The following FAM81A variants were observed in gnomAD, a reference collection of about 807,000 sequenced individuals.
FAM81A encodes family with sequence similarity 81 member A, also known as protein FAM81A.
FAM81A carries 19 observed loss-of-function variants against 46.7 expected under a neutral mutation model. The ratio of observed to expected loss-of-function variants is 0.41; its 90% CI spans 0.28 to 0.60. The LOEUF is 0.60. Ranked by LOEUF, FAM81A falls within the 20% of genes least tolerant of loss-of-function variation. The pLI is 0.34. For synonymous variants in FAM81A, 183 were observed against 152.9 expected (o/e 1.20, Z -1.45); for missense variants, 377 against 453.5 (o/e 0.83, Z 1.53).
At chr15:59,504,952 G>T (rs1355543501) in intron 4 of FAM81A, among the ~76,000 whole-genome samples, 1 of 152,052 alleles carries the variant, frequency 6.6e-6, no homozygotes, top group Non-Finnish European at 1.5e-5. Flanking sequence ...ATCCCAGTTT[G>T]TAGTCATTGA....
chr15:59,458,496 G>A, intron 1 of FAM81A, 54 bp from the exon 2 acceptor site: 1 of 1,266,798 alleles, frequency 7.9e-7, no homozygotes, highest in Middle Eastern at 1.9e-4. Context: ...AAGCTTTTGA[G>A]GTTAAGTTCT....
At chr15:59,445,839 G>A (rs2081348635) in intron 1 of FAM81A, among the ~76,000 whole-genome samples, 1 of 152,072 alleles carries the variant, frequency 6.6e-6, no homozygotes, top group Non-Finnish European at 1.5e-5. Flanking sequence ...TTAACATTTG[G>A]TAATGTATCT....
intron 3 of FAM81A, among the ~76,000 whole-genome samples, chr15:59,486,571 T>C (rs2081919317): frequency 6.6e-6 from 1 of 151,958 alleles, no homozygotes; most frequent in African/African-American, 2.4e-5. Flanking sequence ...GAACACCAAG[T>C]AGATTTAACT....
At chr15:59,416,554 A>C (rs902734189) in intron 2 of FAM81A, among the ~76,000 whole-genome samples, 1 of 152,200 alleles carries the variant, frequency 6.6e-6, no homozygotes. Flanking sequence ...CACAGCTGTG[A>C]GTGAACTCAA....
chr15:59,475,530 G>A (rs544308405), intron 3 of FAM81A, among the ~76,000 whole-genome samples: 4 of 152,142 alleles, frequency 2.6e-5, no homozygotes, highest in South Asian at 2.1e-4. Flanking sequence ...CCCAACGTCC[G>A]AAACACATTT....
chr15:59,521,275 G>A lies in FAM81A; in HGVS notation c.1004G>A (p.Ser335Asn), dbSNP rs2082325120. ...VNAGFTAVYE[S>N]IGSLRQVLEA... The stretch of plus-strand genomic sequence containing the variant: ...CAAGGGTTTACAGCCGTCTATGAAA[G>A]CATAGGATCCCTCAGGCAAGTTCTC... Residue 335 changes from serine to asparagine, a missense_variant, in exon 9 of 9, where the codon AGC (serine) becomes AAC (asparagine). By Grantham distance (46) the Ser-to-Asn change is conservative (BLOSUM62 1). Transcript: ENST00000288228. 1 of 1,613,636 alleles carries A rather than the reference G, an allele frequency of 6.2e-7. No individual in the cohort carries two copies. The highest frequency in any genetic ancestry group is 8.5e-7 in the Non-Finnish European group (1 of 1,179,720).
intron 4 of FAM81A, among the ~76,000 whole-genome samples, chr15:59,494,596 A>G (rs2141766465): frequency 1.3e-5 from 2 of 152,356 alleles, no homozygotes; most frequent in East Asian, 3.9e-4. Context: ...AAAGGCATCA[A>G]AAGTGTTTGT....
Position 59,467,712 on chromosome 15 carries a change from C to A in FAM81A, c.294+7506C>A, listed in dbSNP as rs2081631638. Among the ~76,000 whole-genome samples the A allele has an allele frequency of 2.0e-5, 3 of 152,138 alleles. No individual in the cohort carries two copies. The South Asian group carries it at 6.2e-4, about 32-fold the overall frequency. ...GAACACCCTTTATTTATTTCTTTTG[C>A]CTGATTGCCCTGGCCAGAACTTCCA... On this transcript the variant is annotated intron_variant, in intron 3 of 8. Coordinates refer to ENST00000288228, the MANE Select transcript of FAM81A (RefSeq NM_152450.3).
chr15:59,489,683 G>A (rs1312191521), intron 3 of FAM81A, among the ~76,000 whole-genome samples: 1 of 152,156 alleles, frequency 6.6e-6, no homozygotes, highest in Non-Finnish European at 1.5e-5. Context: ...AACCAAAACA[G>A]CATGGCACTG....
intron 4 of FAM81A, among the ~76,000 whole-genome samples, chr15:59,499,224 T>G (rs1253347859): frequency 2.6e-5 from 4 of 152,148 alleles, no homozygotes; most frequent in African/African-American, 9.7e-5. Flanking sequence ...TATATAATCC[T>G]TTTTTTATAT....
At chr15:59,487,224 TTA>T (rs1302454932) in intron 3 of FAM81A, among the ~76,000 whole-genome samples, 11 of 146,568 alleles carry the variant, frequency 7.5e-5, no homozygotes, top group South Asian at 2.1e-4. Flanking sequence ...TATATGTATA[TTA>T]TATATATATT....
At chr15:59,491,465 AT>A (rs1407075090) in intron 3 of FAM81A, among the ~76,000 whole-genome samples, 1 of 152,222 alleles carries the variant, frequency 6.6e-6, no homozygotes, top group Non-Finnish European at 1.5e-5. Context: ...ATTAATGGGC[AT>A]TAAAAAATAG....
intron 3 of FAM81A, among the ~76,000 whole-genome samples, chr15:59,474,119 T>C (rs1241464280): frequency 6.6e-6 from 1 of 152,184 alleles, no homozygotes; most frequent in African/African-American, 2.4e-5. Context: ...GACACTGAAC[T>C]CGTGCCACTC....
intron 3 of FAM81A, among the ~76,000 whole-genome samples, chr15:59,487,418 C>T (rs2081931026): frequency 1.3e-5 from 2 of 150,774 alleles, no homozygotes; most frequent in South Asian, 4.2e-4. Context: ...TAATGAAGAT[C>T]AGAGCAGACA....
At chr15:59,465,105 C>G (rs928557581) in intron 3 of FAM81A, among the ~76,000 whole-genome samples, 4 of 152,122 alleles carry the variant, frequency 2.6e-5, no homozygotes, top group African/African-American at 7.2e-5. Flanking sequence ...GCACCTTTGT[C>G]CAAAATCAGA....
chr15:59,519,136 T>C (rs1221297486), intron 8 of FAM81A, among the ~76,000 whole-genome samples: 2 of 152,114 alleles, frequency 1.3e-5, no homozygotes, highest in Non-Finnish European at 2.9e-5. Context: ...TTTCCTCCTC[T>C]TCCGCCCCAC....
chr15:59,473,020 C>T (rs1400821590), intron 3 of FAM81A, among the ~76,000 whole-genome samples: 1 of 152,130 alleles, frequency 6.6e-6, no homozygotes, highest in Non-Finnish European at 1.5e-5. Context: ...TCGAACATTT[C>T]AATTTTGAAA....
At chr15:59,487,631 A>T (rs1381795000) in intron 3 of FAM81A, among the ~76,000 whole-genome samples, 1 of 152,150 alleles carries the variant, frequency 6.6e-6, no homozygotes, top group East Asian at 1.9e-4. Context: ...GAGCAACTAT[A>T]TGCCAAAAAA....
At chr15:59,483,426 T>C (rs1198907228) in intron 3 of FAM81A, among the ~76,000 whole-genome samples, 1 of 152,186 alleles carries the variant, frequency 6.6e-6, no homozygotes, top group African/African-American at 2.4e-5. Flanking sequence ...TCTTTTTTTT[T>C]ACTAAGAAGT....
Sources: allele counts gnomAD v4.1 joint callset (sites outside exome capture counted in the v4.1 genomes callset), GRCh38; gene constraint gnomAD v4.1.1; transcripts MANE v1.5; gene names NCBI Gene and HGNC (gene_info 2026-07-23, HGNC 2026-07-21).